Variants in EVI5 observed in about 807,000 individuals in gnomAD.
EVI5 encodes the protein ecotropic viral integration site 5 protein homolog.
A neutral mutation model predicts 112.0 loss-of-function variants in EVI5; 73 were observed. That is an observed-to-expected ratio of 0.65 (90% CI 0.54 to 0.79). The LOEUF is 0.79. Among genes scored for constraint, EVI5 ranks in the 30% least tolerant of loss-of-function variants. The probability of loss-of-function intolerance (pLI) is 0.00; values close to 1 mark genes in which losing one functional copy is unlikely to be tolerated. For missense variants in EVI5, 900 were observed against 968.8 expected, an observed-to-expected ratio of 0.93 and a Z score of 0.94; for synonymous variants, 305 against 319.9, an observed-to-expected ratio of 0.95 and a Z score of 0.50.
intron 2 of EVI5, among the ~76,000 whole-genome samples, chr1:92,712,570 T>C (rs1673011944): frequency 6.6e-6 from 1 of 152,152 alleles, no homozygotes; most frequent in South Asian, 2.1e-4. Flanking sequence ...AATTATACCA[T>C]CAAATTCTTT....
chr1:92,523,706 T>C (rs1661344968), intron 19 of EVI5, among the ~76,000 whole-genome samples: 1 of 151,994 alleles, frequency 6.6e-6, no homozygotes, highest in Non-Finnish European at 1.5e-5. Flanking sequence ...TGCTCTGGAG[T>C]CCTTACTTCT....
intron 18 of EVI5, among the ~76,000 whole-genome samples, chr1:92,581,585 C>A (rs780880402): frequency 1.3e-5 from 2 of 152,120 alleles, no homozygotes; most frequent in African/African-American, 2.4e-5. Context: ...CCTGGCAGGC[C>A]TCTCTGCTCT....
At chr1:92,765,453 G>T (rs1570849925) in intron 1 of EVI5, among the ~76,000 whole-genome samples, 2 of 148,538 alleles carry the variant, frequency 1.3e-5, no homozygotes, top group Middle Eastern at 3.4e-3. Flanking sequence ...ACTGTTATAG[G>T]CACTACATGC....
intron 19 of EVI5, among the ~76,000 whole-genome samples, chr1:92,548,224 T>G (rs1004306273): frequency 1.3e-5 from 2 of 152,178 alleles, no homozygotes; most frequent in African/African-American, 4.8e-5. Flanking sequence ...ATCCAGTATA[T>G]AAACAGAACC....
intron 13 of EVI5, among the ~76,000 whole-genome samples, chr1:92,658,781 T>C (rs1663457962): frequency 6.6e-6 from 1 of 152,084 alleles, no homozygotes; most frequent in South Asian, 2.1e-4. Context: ...AAAGCAATCC[T>C]AGGTAGAAAG....
intron 5 of EVI5, chr1:92,700,913 G>T (rs1034378348): frequency 1.3e-5 from 2 of 152,130 alleles, no homozygotes; most frequent in Non-Finnish European, 2.9e-5. Flanking sequence ...CACTGGCTAC[G>T]ATACTGCCAC....
chr1:92,765,224 T>TC (rs1256750234), intron 1 of EVI5, among the ~76,000 whole-genome samples: 2 of 147,978 alleles, frequency 1.4e-5, no homozygotes, highest in Non-Finnish European at 3.0e-5. Context: ...CCTTTTTTTT[T>TC]TTTTTTTTTT....
rs2103131589 is a variant in EVI5, at chr1:92,785,073, C to T, written c.-319G>A. 1 of 985,484 alleles carries T rather than the reference C, an allele frequency of 1.0e-6. No individual in the cohort carries two copies. The highest frequency in any genetic ancestry group is 1.2e-6 in the Non-Finnish European group (1 of 830,014). 61.0% of individuals were successfully genotyped at this position (985,484 alleles called of 1,614,324 possible). A position where few individuals can be genotyped will look rare whatever the true frequency, so the allele number is the denominator to read the frequency against. ...CCCCTTGCCAGCTGGCCAGCTGGTT[C>T]CTCCGGGGTCCGGCCCGGCCGCGTC... On this transcript the variant is annotated 5_prime_UTR_variant, in exon 1 of 20. Transcript: ENST00000684568.
intron 13 of EVI5, among the ~76,000 whole-genome samples, chr1:92,657,356 C>A (rs1275174776): frequency 3.9e-5 from 6 of 151,994 alleles, no homozygotes; most frequent in Non-Finnish European, 7.4e-5. Flanking sequence ...ACAGAAAAAA[C>A]CCAACGAAAC....
At chr1:92,536,636 A>C (rs1663945865) in intron 19 of EVI5, among the ~76,000 whole-genome samples, 1 of 152,220 alleles carries the variant, frequency 6.6e-6, no homozygotes, top group South Asian at 2.1e-4. Flanking sequence ...AAACCAGTAG[A>C]TATTAAGACA....
intron 1 of EVI5, chr1:92,756,622 T>C (rs1419368445): frequency 5.9e-6 from 3 of 505,270 alleles, no homozygotes; most frequent in Non-Finnish European, 1.2e-5. Flanking sequence ...ACTAAGTGTG[T>C]TCTAGACAGT....
intron 19 of EVI5, among the ~76,000 whole-genome samples, chr1:92,550,587 A>G (rs1412298511): frequency 6.7e-6 from 1 of 148,458 alleles, no homozygotes; most frequent in Admixed American, 6.7e-5. Flanking sequence ...CTCTACTAAA[A>G]ACACAAAAAA....
chr1:92,614,096 G>C (rs1652499478), intron 16 of EVI5, among the ~76,000 whole-genome samples: 1 of 152,130 alleles, frequency 6.6e-6, no homozygotes, highest in African/African-American at 2.4e-5. Context: ...ATTGCTAAGG[G>C]AATTTGAAGC....
chr1:92,721,006 TC>T (rs1674656409), intron 2 of EVI5, among the ~76,000 whole-genome samples: 1 of 152,142 alleles, frequency 6.6e-6, no homozygotes, highest in African/African-American at 2.4e-5. Context: ...AGAATGGCAA[TC>T]ATTAAAAAGT....
At chr1:92,688,268 C>CA (rs1294928937) in intron 9 of EVI5, among the ~76,000 whole-genome samples, 1 of 152,114 alleles carries the variant, frequency 6.6e-6, no homozygotes, top group Non-Finnish European at 1.5e-5. Context: ...TGATTCTACA[C>CA]AAACTATCAC....
intron 1 of EVI5, among the ~76,000 whole-genome samples, chr1:92,770,097 A>G (rs11164809): frequency 0.93 from 140,820 of 152,222 alleles, 65,223 homozygotes; most frequent in East Asian, 0.97. Flanking sequence ...TCGAGAAGCT[A>G]GAGAAGATTC....
chr1:92,536,135 C>T (rs1291924921), intron 19 of EVI5, among the ~76,000 whole-genome samples: 1 of 152,152 alleles, frequency 6.6e-6, no homozygotes, highest in Non-Finnish European at 1.5e-5. Context: ...ACATCTGACA[C>T]ACTCAGCACA....
chr1:92,730,105 C>A (rs1156957658), intron 2 of EVI5, among the ~76,000 whole-genome samples: 1 of 152,162 alleles, frequency 6.6e-6, no homozygotes, highest in Admixed American at 6.6e-5. Context: ...ATAGCTAATG[C>A]CGGTAATGCC....
At chr1:92,667,844 T>C (rs1388073362) in intron 10 of EVI5, among the ~76,000 whole-genome samples, 2 of 152,156 alleles carry the variant, frequency 1.3e-5, no homozygotes, top group Admixed American at 6.5e-5. Flanking sequence ...CTTGATCTCC[T>C]GACCTCATGA....
Sources: gnomAD v4.1 joint callset for allele counts (sites outside exome capture counted in the v4.1 genomes callset) on GRCh38, gnomAD v4.1.1 for gene constraint, MANE v1.5 for transcripts, NCBI Gene and HGNC (gene_info 2026-07-23, HGNC 2026-07-21) for gene names.